ASIC2: variants seen among roughly 807,000 people sequenced by gnomAD.
ASIC2 encodes the protein acid sensing ion channel subunit 2, also known as acid-sensing ion channel 2.
A neutral mutation model predicts 57.3 loss-of-function variants in ASIC2; 25 were observed. The observed-to-expected ratio is 0.44, with a 90% CI of 0.32 to 0.61. The LOEUF (loss-of-function observed/expected upper bound fraction) is 0.61, where lower values mean the gene tolerates loss of function less well. Ranked by LOEUF, ASIC2 falls within the 20% of genes least tolerant of loss-of-function variation. The probability of loss-of-function intolerance (pLI) is 0.06; values close to 1 mark genes in which losing one functional copy is unlikely to be tolerated. For missense variants in ASIC2, 641 were observed against 738.1 expected (o/e 0.87, Z 1.52); for synonymous variants, 319 against 307.5 (o/e 1.04, Z -0.39).
At chr17:33,392,170 T>C (rs373634630) in intron 1 of ASIC2, among the ~76,000 whole-genome samples, 64 of 128,972 alleles carry the variant, frequency 5.0e-4, no homozygotes, top group African/African-American at 1.5e-3. Flanking sequence ...TCTTTTCCTT[T>C]CTTCCTTCCT....
chr17:33,766,110 G>A lies in ASIC2; in HGVS notation c.555+389868C>T, dbSNP rs546498114. 2.0e-5 allele frequency among the ~76,000 whole-genome samples: 3 copies of A among 152,310 alleles called. No homozygotes were observed. In the East Asian group the frequency reaches 5.8e-4, roughly 29 times the overall value. On this transcript the variant is annotated intron_variant, in intron 1 of 9. Transcript: ENST00000359872. ...TTTTGGTTACCCACGGTCAACCACA[G>A]TCCAAAAACAGGTGAGTATGGTACA...
chr17:33,080,320 T>C (rs1014435606), intron 3 of ASIC2, among the ~76,000 whole-genome samples: 6 of 152,108 alleles, frequency 3.9e-5, no homozygotes, highest in African/African-American at 1.4e-4. Flanking sequence ...GGAGTGTCCC[T>C]GTCAACAGAG....
chr17:33,019,208 G>T (rs746703530), intron 7 of ASIC2, among the ~76,000 whole-genome samples: 2 of 152,072 alleles, frequency 1.3e-5, no homozygotes, highest in Admixed American at 6.5e-5. Context: ...GTGTGTGCAC[G>T]TATTTGTATA....
intron 3 of ASIC2, among the ~76,000 whole-genome samples, chr17:33,040,579 G>C (rs16556): frequency 0.031 from 4,658 of 152,274 alleles, 192 homozygotes; most frequent in African/African-American, 0.098. Context: ...CAGATGATTA[G>C]GGTGGTCTAA....
chr17:34,001,612 G>A (rs1029131121), intron 1 of ASIC2: 1 of 152,450 alleles, frequency 6.6e-6, no homozygotes, highest in African/African-American at 2.4e-5. Context: ...TGTCTGATCT[G>A]GCCTGGAGCC....
chr17:33,895,083 C>T (rs1456682606), intron 1 of ASIC2, among the ~76,000 whole-genome samples: 1 of 152,088 alleles, frequency 6.6e-6, no homozygotes, highest in Non-Finnish European at 1.5e-5. Flanking sequence ...ATGAACAAGT[C>T]ACCTATGCTG....
chr17:33,390,733 T>C (rs1265907096), intron 1 of ASIC2, among the ~76,000 whole-genome samples: 1 of 152,232 alleles, frequency 6.6e-6, no homozygotes, highest in African/African-American at 2.4e-5. Context: ...GCAACTGGCT[T>C]TACTCAGAAT....
chr17:33,807,577 T>A (rs186598022), intron 1 of ASIC2, among the ~76,000 whole-genome samples: 69 of 152,220 alleles, frequency 4.5e-4, no homozygotes, highest in African/African-American at 1.6e-3. Context: ...CCCTCTTTAC[T>A]CTCTTTCTTC....
At chr17:33,079,712 G>T (rs1180289125) in intron 3 of ASIC2, among the ~76,000 whole-genome samples, 1 of 152,156 alleles carries the variant, frequency 6.6e-6, no homozygotes, top group Non-Finnish European at 1.5e-5. Flanking sequence ...TGTCTGGGGT[G>T]GGGGATAATA....
chr17:33,497,385 G>A (rs544074836), intron 1 of ASIC2, among the ~76,000 whole-genome samples: 4 of 152,218 alleles, frequency 2.6e-5, no homozygotes, highest in Admixed American at 6.5e-5. Flanking sequence ...TTCACCTTGG[G>A]GTATATAAAT....
At chr17:33,444,670 T>C (rs1283237250) in intron 1 of ASIC2, among the ~76,000 whole-genome samples, 1 of 151,652 alleles carries the variant, frequency 6.6e-6, no homozygotes, top group Non-Finnish European at 1.5e-5. Context: ...GGGACTGCAC[T>C]GGCCGCAGGG....
At chr17:33,585,051 T>C (rs1010110714) in intron 1 of ASIC2, among the ~76,000 whole-genome samples, 2 of 152,178 alleles carry the variant, frequency 1.3e-5, no homozygotes, top group Non-Finnish European at 2.9e-5. Context: ...TCTGTCCTTG[T>C]GGGCTACAGC....
chr17:33,361,449 A>G (rs933840951), intron 1 of ASIC2, among the ~76,000 whole-genome samples: 8 of 152,188 alleles, frequency 5.3e-5, no homozygotes, highest in Non-Finnish European at 1.0e-4. Context: ...TGCACCTGCA[A>G]CCTCTGGTTA....
At chr17:33,650,884 G>A (rs576052266) in intron 1 of ASIC2, among the ~76,000 whole-genome samples, 1 of 152,318 alleles carries the variant, frequency 6.6e-6, no homozygotes, top group South Asian at 2.1e-4. Flanking sequence ...AAGGATCCTT[G>A]TGGTGATAGA....
intron 1 of ASIC2, among the ~76,000 whole-genome samples, chr17:33,329,826 C>T (rs565956838): frequency 2.0e-4 from 30 of 152,220 alleles, no homozygotes; most frequent in Middle Eastern, 3.4e-3. Flanking sequence ...GTCTGTGGAA[C>T]TATCAAGAAC....
At chr17:33,074,225 T>C (rs1299485501) in intron 3 of ASIC2, among the ~76,000 whole-genome samples, 2 of 152,240 alleles carry the variant, frequency 1.3e-5, no homozygotes, top group African/African-American at 4.8e-5. Flanking sequence ...TTTCTATTTT[T>C]GTTTCCTCCC....
chr17:33,559,224 T>C (rs1021765229), intron 1 of ASIC2, among the ~76,000 whole-genome samples: 42 of 152,194 alleles, frequency 2.8e-4, no homozygotes, highest in African/African-American at 9.6e-4. Flanking sequence ...CCCTTCCTGG[T>C]AAGCTTTTAT....
At chr17:33,166,510 C>A (rs535075857) in intron 1 of ASIC2, among the ~76,000 whole-genome samples, 11 of 152,322 alleles carry the variant, frequency 7.2e-5, no homozygotes, top group African/African-American at 2.6e-4. Flanking sequence ...TTGGTCCCAC[C>A]TTGTTTCTGG....
At chr17:33,699,657 G>T (rs1908637019) in intron 1 of ASIC2, among the ~76,000 whole-genome samples, 1 of 151,656 alleles carries the variant, frequency 6.6e-6, no homozygotes, top group African/African-American at 2.4e-5. Flanking sequence ...CAGATTTCTG[G>T]TTGGGAAACC....
Sources: gnomAD v4.1 joint callset for allele counts (sites outside exome capture counted in the v4.1 genomes callset) on GRCh38, gnomAD v4.1.1 for gene constraint, MANE v1.5 for transcripts, NCBI Gene and HGNC (gene_info 2026-07-23, HGNC 2026-07-21) for gene names.